Variants in BAALC observed in about 807,000 individuals in gnomAD.
BAALC encodes BAALC binder of MAP3K1 and KLF4, also known as brain and acute leukemia cytoplasmic protein.
In BAALC, 9 loss-of-function variants were observed where a neutral mutation model predicts 15.5. The ratio of observed to expected loss-of-function variants is 0.58; its 90% CI spans 0.35 to 1.02. The LOEUF (loss-of-function observed/expected upper bound fraction) is 1.02, where lower values mean the gene tolerates loss of function less well. Ranked by LOEUF, BAALC falls within the 50% of genes least tolerant of loss-of-function variation. BAALC has a pLI of 0.02. For synonymous variants in BAALC, 80 were observed against 74.6 expected, an observed-to-expected ratio of 1.07 and a Z score of -0.37; for missense variants, 201 against 192.4, an observed-to-expected ratio of 1.04 and a Z score of -0.27.
chr8:103,202,759 G>T (rs141313347), intron 1 of BAALC: 16 of 152,280 alleles, frequency 1.1e-4, no homozygotes, highest in African/African-American at 3.9e-4. Flanking sequence ...GACCGAGTTG[G>T]GACACCCCAC....
intron 1 of BAALC, among the ~76,000 whole-genome samples, chr8:103,160,298 G>T (rs542110259): frequency 6.6e-6 from 1 of 152,188 alleles, no homozygotes; most frequent in Admixed American, 6.6e-5. Context: ...ATATCCCTTA[G>T]AGGATTCCAT....
At chr8:103,220,697 T>G (rs888556102) in intron 2 of BAALC, among the ~76,000 whole-genome samples, 1 of 152,252 alleles carries the variant, frequency 6.6e-6, no homozygotes, top group South Asian at 2.1e-4. Flanking sequence ...CAGAGCCCTA[T>G]GCTTCTATAT....
In BAALC at chr8:103,228,255, T is replaced by A; in HGVS notation, c.*156T>A. 1 of 603,418 alleles carries A rather than the reference T, an allele frequency of 1.7e-6. No homozygotes were observed. Among genetic ancestry groups the A allele is most frequent in the East Asian group, 2.8e-5 (1 of 35,950 alleles). 37.4% of individuals were successfully genotyped at this position (603,418 alleles called of 1,614,324 possible). On this transcript the variant is annotated 3_prime_UTR_variant, in exon 3 of 3. Transcript: ENST00000309982. ...TCTTACCTGGCAGCAAACTGCTGCC[T>A]GATTTGTTGGGACCTTCTGAGCCTT...
chr8:103,177,562 G>A (rs546803634), intron 1 of BAALC, among the ~76,000 whole-genome samples: 27 of 152,232 alleles, frequency 1.8e-4, no homozygotes, highest in African/African-American at 6.0e-4. Flanking sequence ...CCCTAGGACC[G>A]CAGTTTCTGG....
At chr8:103,222,836 G>T (rs1812709080) in intron 2 of BAALC, among the ~76,000 whole-genome samples, 1 of 152,120 alleles carries the variant, frequency 6.6e-6, no homozygotes, top group South Asian at 2.1e-4. Flanking sequence ...CCATTTAGAA[G>T]TAGTAGTAGC....
intron 2 of BAALC, chr8:103,215,059 T>C (rs1048945344): frequency 3.3e-5 from 5 of 152,374 alleles, no homozygotes; most frequent in African/African-American, 1.2e-4. Flanking sequence ...ACTTGTGCCC[T>C]TACCCTCTGA....
At chr8:103,204,664 GA>G (rs1345758858) in intron 1 of BAALC, among the ~76,000 whole-genome samples, 1 of 152,140 alleles carries the variant, frequency 6.6e-6, no homozygotes, top group Non-Finnish European at 1.5e-5. Context: ...CACATGTGTT[GA>G]AAAACTATTC....
chr8:103,169,114 C>T (rs1811419099), intron 1 of BAALC, among the ~76,000 whole-genome samples: 1 of 152,004 alleles, frequency 6.6e-6, no homozygotes, highest in South Asian at 2.1e-4. Context: ...TATTATATTT[C>T]TCCCTAGCCT....
At chr8:103,186,129 C>G (rs1811830706) in intron 1 of BAALC, among the ~76,000 whole-genome samples, 1 of 152,178 alleles carries the variant, frequency 6.6e-6, no homozygotes, top group African/African-American at 2.4e-5. Context: ...GTGAGTCTCC[C>G]TCAGGGCCCA....
At chr8:103,222,615 T>A (rs1812703855) in intron 2 of BAALC, among the ~76,000 whole-genome samples, 1 of 152,198 alleles carries the variant, frequency 6.6e-6, no homozygotes, top group Non-Finnish European at 1.5e-5. Context: ...TTTCCGGCAA[T>A]GTCTCAAATT....
intron 1 of BAALC, among the ~76,000 whole-genome samples, chr8:103,168,588 T>C (rs1292050621): frequency 6.6e-6 from 1 of 152,038 alleles, no homozygotes; most frequent in African/African-American, 2.4e-5. Flanking sequence ...CCTTTCAATA[T>C]GTTTAAGTAA....
chr8:103,182,708 G>T (rs1008098750), intron 1 of BAALC, among the ~76,000 whole-genome samples: 4 of 152,116 alleles, frequency 2.6e-5, no homozygotes, highest in Non-Finnish European at 4.4e-5. Flanking sequence ...GAATTCCTGG[G>T]GTCTGCATGA....
chr8:103,165,715 C>A (rs1811331136), intron 1 of BAALC: 1 of 152,186 alleles, frequency 6.6e-6, no homozygotes, highest in African/African-American at 2.4e-5. Context: ...CTTCTTCAGC[C>A]AGCCACTGTT....
intron 1 of BAALC, among the ~76,000 whole-genome samples, chr8:103,182,258 C>A: frequency 6.6e-6 from 1 of 152,204 alleles, no homozygotes; most frequent in Non-Finnish European, 1.5e-5. Context: ...CTGTTTAGAT[C>A]TGCACAAGGC....
chr8:103,214,080 C>T (rs1049958479), intron 2 of BAALC, among the ~76,000 whole-genome samples: 6 of 152,156 alleles, frequency 3.9e-5, no homozygotes, highest in Admixed American at 2.6e-4. Flanking sequence ...GTGAGATAAT[C>T]AGTGGTCTGT....
intron 1 of BAALC, among the ~76,000 whole-genome samples, chr8:103,143,653 G>T (rs1460820047): frequency 6.6e-6 from 1 of 152,122 alleles, no homozygotes; most frequent in Non-Finnish European, 1.5e-5. Flanking sequence ...CTTCTTTCTG[G>T]GACCTTAGTG....
intron 1 of BAALC, among the ~76,000 whole-genome samples, chr8:103,181,862 A>C (rs1335125369): frequency 6.6e-6 from 1 of 152,212 alleles, no homozygotes; most frequent in Non-Finnish European, 1.5e-5. Context: ...TTTTGCAACC[A>C]AAGTTAAGAA....
chr8:103,164,298 T>C (rs1484605245), intron 1 of BAALC, among the ~76,000 whole-genome samples: 1 of 152,120 alleles, frequency 6.6e-6, no homozygotes, highest in African/African-American at 2.4e-5. Context: ...TAGGAGAGGA[T>C]GTCTGTAAGG....
intron 1 of BAALC, chr8:103,198,012 G>A (rs1191682151): frequency 1.6e-4 from 104 of 636,206 alleles, no homozygotes; most frequent in Non-Finnish European, 1.4e-5. Flanking sequence ...GCTCTGTGAG[G>A]ACTAACCATG....
Sources: allele counts gnomAD v4.1 joint callset (sites outside exome capture counted in the v4.1 genomes callset), GRCh38; gene constraint gnomAD v4.1.1; transcripts MANE v1.5; gene names NCBI Gene and HGNC (gene_info 2026-07-23, HGNC 2026-07-21).